YWHAZ: variants seen among roughly 807,000 people sequenced by gnomAD.
YWHAZ encodes the protein tyrosine 3-monooxygenase/tryptophan 5-monooxygenase activation protein zeta, also known as 14-3-3 protein zeta/delta.
For missense variants in YWHAZ, 79 were observed against 284.8 expected (o/e 0.28, Z 5.20); for synonymous variants, 87 against 103.6 (o/e 0.84, Z 0.97).
Position 100,924,221 on chromosome 8 carries a change from T to C in YWHAZ, c.496A>G (p.Ile166Val). The C allele has an allele frequency of 6.2e-7, 1 of 1,614,182 alleles. No homozygotes were observed. The highest frequency in any genetic ancestry group is 8.5e-7 in the Non-Finnish European group (1 of 1,180,018). ...SKKEMQPTHPIRLGLALNFSV... is the reference protein window; with the variant it reads ...SKKEMQPTHPVRLGLALNFSV... The stretch of plus-strand genomic sequence containing the variant: ...AAGTTAAGGGCCAGACCCAGTCTGA[T>C]AGGATGTGTTGGTTGCATTTCCTTT... Residue 166 changes from isoleucine to valine, a missense_variant, in exon 4 of 6, where the codon ATC becomes GTC. Physicochemically the swap from Ile to Val is conservative, Grantham distance 29. Transcript: ENST00000395958. This position sits in a 1 kb window ranked among gnomAD's most constrained non-coding sequence, Gnocchi z 5.7.
intron 1 of YWHAZ, among the ~76,000 whole-genome samples, chr8:100,949,367 A>C (rs1586163406): frequency 6.6e-6 from 1 of 152,114 alleles, no homozygotes; most frequent in East Asian, 1.9e-4. Context: ...AATGTAACTC[A>C]CGTCTTTTTA....
chr8:100,934,847 C>G (rs1392249138), intron 2 of YWHAZ: 1 of 152,166 alleles, frequency 6.6e-6, no homozygotes, highest in Non-Finnish European at 1.5e-5. Flanking sequence ...AAAGGACTAA[C>G]AGAGATTACC....
intron 2 of YWHAZ, among the ~76,000 whole-genome samples, chr8:100,944,257 C>T (rs1035411969): frequency 2.6e-5 from 4 of 152,112 alleles, no homozygotes; most frequent in Non-Finnish European, 4.4e-5. Flanking sequence ...GCCCAAGGCA[C>T]GTAATAATAT....
chr8:100,952,898 G>A, upstream of YWHAZ: 1 of 1,000,404 alleles, frequency 1.0e-6, no homozygotes, highest in Non-Finnish European at 1.2e-6. Flanking sequence ...CTCGGAAACG[G>A]GAGTGAGGCG....
At chr8:100,941,418 T>C (rs1231245166) in intron 2 of YWHAZ, among the ~76,000 whole-genome samples, 2 of 152,348 alleles carry the variant, frequency 1.3e-5, no homozygotes, top group Admixed American at 6.5e-5. Context: ...AGTGGGTTCC[T>C]TGGTATAACG....
Position 100,924,505 on chromosome 8 carries a change from C to A in YWHAZ, c.419-207G>T, listed in dbSNP as rs984391751. On this transcript the variant is annotated intron_variant, in intron 3 of 5. Coordinates refer to ENST00000395958, the MANE Select transcript of YWHAZ (RefSeq NM_145690.3). The surrounding 1 kb of genome is among the most constrained non-coding windows in gnomAD (Gnocchi z 5.7). ...ATTGATCAATGTCAAGATAAAACAACTTTATAATCTCATTATTGTTATGTT... is the reference window on the plus strand; with the variant it reads ...ATTGATCAATGTCAAGATAAAACAAATTTATAATCTCATTATTGTTATGTT... Among the ~76,000 whole-genome samples the A allele has an allele frequency of 2.6e-5, 4 of 151,664 alleles. No individual in the cohort carries two copies. Among genetic ancestry groups the A allele is most frequent in the Non-Finnish European group, 5.9e-5 (4 of 67,938 alleles).
chr8:100,951,126 A>C (rs1810728650), intron 1 of YWHAZ: 2 of 921,768 alleles, frequency 2.2e-6, no homozygotes, highest in African/African-American at 2.5e-5. Context: ...CCTTCCTCCC[A>C]CCGCGGAGCC....
chr8:100,946,801 C>T (rs933129665), intron 2 of YWHAZ, among the ~76,000 whole-genome samples: 1 of 150,162 alleles, frequency 6.7e-6, no homozygotes, highest in African/African-American at 2.5e-5. Context: ...AAAAACTTTT[C>T]GATCAGGTGT....
intron 2 of YWHAZ, among the ~76,000 whole-genome samples, chr8:100,947,262 A>AC (rs963937122): frequency 7.2e-5 from 11 of 151,972 alleles, no homozygotes; most frequent in African/African-American, 1.9e-4. Context: ...TCAAAAAAAA[A>AC]AAAAAACAAA....
In YWHAZ at chr8:100,951,979, GGGCGGC is replaced by G; in HGVS notation, c.-68_-63del. ...CGGACGGACGGGCTCAGCAGTCTCT[GGGCGGC>G]GGCGGCGGCAGCAGCGGCGAGGCTG... On this transcript the variant is annotated 5_prime_UTR_variant, in exon 1 of 6. Transcript: ENST00000395958. 1.0e-6 allele frequency: 1 copy of G among 1,004,268 alleles called. No individual in the cohort carries two copies. The highest frequency in any genetic ancestry group is 1.2e-6 in the Non-Finnish European group (1 of 843,022). The allele number at this position is 1,004,268 out of a possible 1,614,324, so 62.2% of individuals were successfully genotyped here. A position where few individuals can be genotyped will look rare whatever the true frequency, so the allele number is the denominator to read the frequency against.
chr8:100,949,778 T>C (rs1390043431), intron 1 of YWHAZ, among the ~76,000 whole-genome samples: 1 of 152,228 alleles, frequency 6.6e-6, no homozygotes, highest in Non-Finnish European at 1.5e-5. Context: ...ACTCAAGCTG[T>C]CCTTTACCAT....
Position 100,948,254 on chromosome 8 carries a change from T to G in YWHAZ, c.294+342A>C. 1.1e-6 allele frequency: 1 copy of G among 946,064 alleles called. No homozygotes were observed. The highest frequency in any genetic ancestry group is 1.5e-6 in the Non-Finnish European group (1 of 660,702). The allele number at this position is 946,064 out of a possible 1,614,324, so 58.6% of individuals were successfully genotyped here. A position where few individuals can be genotyped will look rare whatever the true frequency, so the allele number is the denominator to read the frequency against. ...TGTAAAATTCCTTTATCCACAGATG[T>G]ACATTTAAGATAACCAGCTATAGAG... On this transcript the variant is annotated intron_variant, in intron 2 of 5. Coordinates refer to ENST00000395958, the MANE Select transcript of YWHAZ (RefSeq NM_145690.3). This position sits in a 1 kb window ranked among gnomAD's most constrained non-coding sequence, Gnocchi z 4.2.
At chr8:100,926,967 G>A (rs1244460522) in intron 2 of YWHAZ, among the ~76,000 whole-genome samples, 2 of 152,104 alleles carry the variant, frequency 1.3e-5, no homozygotes, top group Non-Finnish European at 2.9e-5. Context: ...AGTGGCTTTG[G>A]GGTGAGTCTG....
At position 100,918,438 on chromosome 8, in the gene YWHAZ, AT is replaced by A. The variant is rs1187445180; in HGVS notation, c.*2254del. 4.4e-5 allele frequency: 5 copies of A among 112,404 alleles called. No homozygotes were observed. The highest frequency in any genetic ancestry group is 1.0e-4 in the African/African-American group (3 of 29,558). The allele number at this position is 112,404 out of a possible 1,614,324, so 7.0% of individuals were successfully genotyped here. A position where few individuals can be genotyped will look rare whatever the true frequency, so the allele number is the denominator to read the frequency against. ...TATATATATATATATATATATATAT[AT>A]ATATAATTATTTTACCTCCTTGGCT... On this transcript the variant is annotated 3_prime_UTR_variant, in exon 6 of 6. Transcript: ENST00000395958.
chr8:100,919,600 G>A lies in YWHAZ; in HGVS notation c.*1093C>T, dbSNP rs1214568268. The A allele has an allele frequency of 6.6e-6, 1 of 152,324 alleles. No individual in the cohort carries two copies. Among genetic ancestry groups the A allele is most frequent in the Non-Finnish European group, 1.5e-5 (1 of 68,030 alleles). The allele number at this position is 152,324 out of a possible 1,614,324, so 9.4% of individuals were successfully genotyped here. On this transcript the variant is annotated 3_prime_UTR_variant, in exon 6 of 6. Transcript: ENST00000395958. ...TAAGAGCCCATTAGCTGCCAAGAGG[G>A]AATAAGGAATAAATTTCAAAAAATG...
chr8:100,921,279 T>C (rs937778522), intron 5 of YWHAZ, among the ~76,000 whole-genome samples: 1 of 152,158 alleles, frequency 6.6e-6, no homozygotes, highest in Non-Finnish European at 1.5e-5. Flanking sequence ...TCCACCCACC[T>C]CGGCCTCCCA....
intron 2 of YWHAZ, among the ~76,000 whole-genome samples, chr8:100,945,198 T>C (rs1810174946): frequency 6.6e-6 from 1 of 152,188 alleles, no homozygotes; most frequent in African/African-American, 2.4e-5. Flanking sequence ...AAAGTCCACA[T>C]TGTGAAGAGC....
intron 2 of YWHAZ, among the ~76,000 whole-genome samples, chr8:100,931,268 A>C (rs942882543): frequency 2.6e-5 from 4 of 152,232 alleles, no homozygotes; most frequent in Non-Finnish European, 4.4e-5. Context: ...ATAAATTGAC[A>C]GGTCATCTGT....
chr8:100,929,697 G>A (rs1563674153), intron 2 of YWHAZ, among the ~76,000 whole-genome samples: 2 of 152,106 alleles, frequency 1.3e-5, no homozygotes, highest in Admixed American at 6.6e-5. Flanking sequence ...TTAATTTAAT[G>A]GTAACATAAA....
Sources: allele counts gnomAD v4.1 joint callset (sites outside exome capture counted in the v4.1 genomes callset), GRCh38; gene constraint gnomAD v4.1.1; non-coding constraint Gnocchi (gnomAD v3.1); transcripts MANE v1.5; gene names NCBI Gene and HGNC (gene_info 2026-07-23, HGNC 2026-07-21).